CUX1: variants seen among roughly 807,000 people sequenced by gnomAD.
The protein encoded by CUX1 is protein CASP.
Under a neutral mutation model 158.8 loss-of-function variants are expected in CUX1, and 31 were observed. The observed-to-expected ratio is 0.20, with a 90% confidence interval of 0.15 to 0.26. The LOEUF (loss-of-function observed/expected upper bound fraction) is 0.26. Among genes scored for constraint, CUX1 ranks in the 10% least tolerant of loss-of-function variants. CUX1 has a pLI of 1.00. For synonymous variants in CUX1, 879 were observed against 862.1 expected (o/e 1.02, Z -0.34); for missense variants, 1,589 against 2,014.6 (o/e 0.79, Z 4.04).
chr7:101,995,521 CATG>C (rs1354262339), intron 2 of CUX1, among the ~76,000 whole-genome samples: 5 of 152,240 alleles, frequency 3.3e-5, no homozygotes, highest in Non-Finnish European at 4.4e-5. Flanking sequence ...TTACAGTAAA[CATG>C]GTGGGAACTT....
chr7:102,137,146 A>G lies in CUX1; in HGVS notation c.675-21414A>G, dbSNP rs181163742. 1.7e-3 allele frequency among the ~76,000 whole-genome samples: 260 copies of G among 152,274 alleles called. 1 individual carries two copies. Among genetic ancestry groups the G allele is most frequent in the Non-Finnish European group, 3.0e-3 (205 of 68,026 alleles). The stretch of plus-strand genomic sequence containing the variant: ...GCATTCTGTTATAGGTCTGGGAAGA[A>G]TCGTGGAGGCTCTTGGTTTAAGCCT... On this transcript the variant is annotated intron_variant, in intron 8 of 23. Coordinates refer to ENST00000292535, the MANE Select transcript of CUX1 (RefSeq NM_181552.4).
intron 3 of CUX1, among the ~76,000 whole-genome samples, chr7:102,052,314 T>C (rs1247534163): frequency 6.6e-6 from 1 of 152,198 alleles, no homozygotes; most frequent in Non-Finnish European, 1.5e-5. Context: ...TTCTGTAGAT[T>C]TGGCCATTCC....
At chr7:102,166,575 C>T (rs1554508844) in intron 9 of CUX1, among the ~76,000 whole-genome samples, 3 of 152,154 alleles carry the variant, frequency 2.0e-5, no homozygotes, top group Non-Finnish European at 2.9e-5. Context: ...CACCACACGC[C>T]GACCCGGGAC....
intron 2 of CUX1, among the ~76,000 whole-genome samples, chr7:101,986,293 G>A (rs553061809): frequency 6.6e-6 from 1 of 152,276 alleles, no homozygotes; most frequent in South Asian, 2.1e-4. Flanking sequence ...AGAGGAGTGT[G>A]GAATTTAGTG....
intron 10 of CUX1, among the ~76,000 whole-genome samples, chr7:102,176,072 C>T (rs1051781415): frequency 3.3e-5 from 5 of 152,194 alleles, no homozygotes; most frequent in East Asian, 1.9e-4. Flanking sequence ...CAGGGCCACG[C>T]GCACAGCTGT....
At chr7:102,086,246 CTTT>C (rs201405420) in intron 4 of CUX1, among the ~76,000 whole-genome samples, 4 of 138,270 alleles carry the variant, frequency 2.9e-5, no homozygotes, top group African/African-American at 7.8e-5. Context: ...TGATTTTTCT[CTTT>C]TTTTTTTTTT....
At chr7:102,097,528 TTTC>T in intron 5 of CUX1, 27 bp downstream of exon 5, 2 of 1,539,836 alleles carry the variant, frequency 1.3e-6, no homozygotes, top group Non-Finnish European at 1.7e-6. Context: ...TTCTTTGCTT[TTTC>T]TTTTCTTCTT....
chr7:102,227,828 C>G (rs1798500849), intron 21 of CUX1, among the ~76,000 whole-genome samples, 159 bp downstream of exon 21: 1 of 152,202 alleles, frequency 6.6e-6, no homozygotes, highest in South Asian at 2.1e-4. Context: ...CAGTAAGGAG[C>G]GTGCCGTCTG....
chr7:102,010,635 ATATG>A (rs745919409), intron 2 of CUX1, among the ~76,000 whole-genome samples: 1 of 152,154 alleles, frequency 6.6e-6, no homozygotes, highest in Non-Finnish European at 1.5e-5. Flanking sequence ...ATTTAAGTAA[ATATG>A]TGTGTGCATA....
At chr7:101,877,635 C>T (rs1208170626) in intron 1 of CUX1, among the ~76,000 whole-genome samples, 1 of 152,048 alleles carries the variant, frequency 6.6e-6, no homozygotes, top group Non-Finnish European at 1.5e-5. Context: ...TTCAGTGAGC[C>T]GAGACCGTCC....
At chr7:102,172,648 G>A (rs1791857717) in intron 10 of CUX1, among the ~76,000 whole-genome samples, 1 of 152,150 alleles carries the variant, frequency 6.6e-6, no homozygotes, top group South Asian at 2.1e-4. Flanking sequence ...ACCTGAATTG[G>A]GCGTTCTGGC....
chr7:102,119,280 C>A (rs781871756), intron 8 of CUX1, among the ~76,000 whole-genome samples: 4 of 98,254 alleles, frequency 4.1e-5, no homozygotes, highest in Non-Finnish European at 8.2e-5. Flanking sequence ...TCACAGGGTA[C>A]CCATCCCTCT....
upstream of CUX1, chr7:101,817,617 A>G (rs961230281): frequency 3.9e-6 from 6 of 1,542,548 alleles, no homozygotes; most frequent in African/African-American, 6.9e-5. The surrounding 1 kb of genome is among the most constrained non-coding windows in gnomAD (Gnocchi z 4.1). Context: ...GCGCCGGGAC[A>G]GCCCCGGGAC....
chr7:102,261,431 T>C (rs1586485833), downstream of CUX1, among the ~76,000 whole-genome samples: 1 of 151,784 alleles, frequency 6.6e-6, no homozygotes, highest in African/African-American at 2.4e-5. Context: ...GAGGCGGAGG[T>C]TGCAGTGAGC....
chr7:102,269,827 C>A (rs1791088025), intron 14 of CUX1, among the ~76,000 whole-genome samples: 1 of 149,290 alleles, frequency 6.7e-6, no homozygotes, highest in Non-Finnish European at 1.5e-5. Flanking sequence ...ATGCCCCCCC[C>A]AAACGCTTCC....
chr7:101,875,259 G>A (rs1464360798), intron 1 of CUX1, among the ~76,000 whole-genome samples: 1 of 152,162 alleles, frequency 6.6e-6, no homozygotes, highest in African/African-American at 2.4e-5. Flanking sequence ...GGTACCGTCA[G>A]CCACATGCCA....
chr7:101,834,213 G>T (rs180961684), intron 1 of CUX1, among the ~76,000 whole-genome samples: 1,217 of 113,244 alleles, frequency 0.011, 8 homozygotes, highest in Middle Eastern at 0.025. Context: ...TCCCTCTGTT[G>T]CCCAGGCTGG....
At chr7:102,001,041 AG>A (rs1334044533) in intron 2 of CUX1, among the ~76,000 whole-genome samples, 1 of 152,012 alleles carries the variant, frequency 6.6e-6, no homozygotes, top group Non-Finnish European at 1.5e-5. Context: ...GGCCTCCCAA[AG>A]CATTGGGATT....
chr7:102,191,152 C>G (rs1309938511), intron 12 of CUX1, among the ~76,000 whole-genome samples: 2 of 152,186 alleles, frequency 1.3e-5, no homozygotes, highest in Non-Finnish European at 2.9e-5. Context: ...TCTCCAGCTG[C>G]AAAGCCTCTG....
Sources: gnomAD v4.1 joint callset for allele counts (sites outside exome capture counted in the v4.1 genomes callset) on GRCh38, gnomAD v4.1.1 for gene constraint, Gnocchi (gnomAD v3.1) non-coding constraint, MANE v1.5 for transcripts, NCBI Gene and HGNC (gene_info 2026-07-23, HGNC 2026-07-21) for gene names.